The following ARHGAP26 variants were observed in gnomAD, a reference collection of about 807,000 sequenced individuals.
ARHGAP26 encodes the protein Rho GTPase activating protein 26.
Under a neutral mutation model 104.8 loss-of-function variants are expected in ARHGAP26, and 38 were observed. The observed-to-expected ratio is 0.36, with a 90% CI of 0.28 to 0.48. The LOEUF is 0.48. Ranked by LOEUF, ARHGAP26 falls within the 20% of genes least tolerant of loss-of-function variation. ARHGAP26 has a pLI of 0.99. For missense variants in ARHGAP26, 704 were observed against 947.9 expected, an observed-to-expected ratio of 0.74 and a Z score of 3.38; for synonymous variants, 341 against 340.0, an observed-to-expected ratio of 1.00 and a Z score of -0.03.
chr5:143,152,351 T>C (rs1025775994), intron 20 of ARHGAP26, among the ~76,000 whole-genome samples: 2 of 152,208 alleles, frequency 1.3e-5, no homozygotes, highest in South Asian at 2.1e-4. Context: ...TGTAAAACTT[T>C]CATGCAATTT....
intron 21 of ARHGAP26, among the ~76,000 whole-genome samples, chr5:143,209,620 A>G (rs1809117107): frequency 6.6e-6 from 1 of 152,076 alleles, no homozygotes; most frequent in African/African-American, 2.4e-5. Flanking sequence ...ATCTCTACTA[A>G]AAATACAAAA....
intron 7 of ARHGAP26, among the ~76,000 whole-genome samples, chr5:142,902,633 A>G (rs1282766851): frequency 2.0e-5 from 3 of 152,142 alleles, no homozygotes; most frequent in Non-Finnish European, 4.4e-5. Context: ...TCACTGTGGG[A>G]TTGGACCATG....
chr5:142,933,744 A>G (rs1458763306), intron 11 of ARHGAP26, among the ~76,000 whole-genome samples: 1 of 152,208 alleles, frequency 6.6e-6, no homozygotes, highest in South Asian at 2.1e-4. Flanking sequence ...TAGGCTGTAC[A>G]TAGGCAGTCA....
At chr5:143,112,424 C>T (rs1031280756) in intron 17 of ARHGAP26, among the ~76,000 whole-genome samples, 1 of 151,692 alleles carries the variant, frequency 6.6e-6, no homozygotes, top group South Asian at 2.1e-4. Flanking sequence ...CCTGTAGGTC[C>T]TTTGCCAAGG....
rs148664792 is a variant in ARHGAP26 at position 142,895,121 on chromosome 5, G to A, written c.597+773G>A. Reference sequence around the variant, plus strand: ...ATATGGACCTCAATTTAAAACTCTCGCAGACCATGGATTTTCCAGCCAAAA... The same window carrying A: ...ATATGGACCTCAATTTAAAACTCTCACAGACCATGGATTTTCCAGCCAAAA... On this transcript the variant is annotated intron_variant, in intron 6 of 22. Coordinates refer to ENST00000645722, the MANE Select transcript of ARHGAP26 (RefSeq NM_001135608.3). Among the ~76,000 whole-genome samples, 105 of 152,270 alleles carry A rather than the reference G, an allele frequency of 6.9e-4. 3 individuals carry two copies. The East Asian group carries it at 0.018, about 26-fold the overall frequency.
intron 11 of ARHGAP26, among the ~76,000 whole-genome samples, chr5:143,000,485 T>C (rs1459304907): frequency 2.0e-5 from 3 of 152,252 alleles, no homozygotes. Flanking sequence ...TGGATGAATA[T>C]TAAAAATTTT....
At chr5:143,044,572 G>C (rs1783952729) in intron 14 of ARHGAP26, among the ~76,000 whole-genome samples, 1 of 150,582 alleles carries the variant, frequency 6.6e-6, no homozygotes, top group Non-Finnish European at 1.5e-5. Flanking sequence ...GTTGGGGGAT[G>C]TGGGGGATGG....
In ARHGAP26 at chr5:142,979,525, T is replaced by C. The variant is rs77847297; in HGVS notation, c.1108-34555T>C. On this transcript the variant is annotated intron_variant, in intron 11 of 22. Coordinates refer to ENST00000645722, the MANE Select transcript of ARHGAP26 (RefSeq NM_001135608.3). The stretch of plus-strand genomic sequence containing the variant: ...GATCTGGCAAACATAGACGTATCTC[T>C]TGAGGGCTAGGAGTGCCACTGATGG... Among the ~76,000 whole-genome samples, 570 of 152,332 alleles carry C rather than the reference T, an allele frequency of 3.7e-3. 3 individuals carry two copies. Among genetic ancestry groups the C allele is most frequent in the Non-Finnish European group, 6.4e-3 (437 of 68,032 alleles).
chr5:143,222,261 ACACACACACACACACACACACACCC>A (rs1230446933), intron 22 of ARHGAP26, 72 bp from the exon 23 acceptor site: 2 of 580,610 alleles, frequency 3.4e-6, no homozygotes, highest in Non-Finnish European at 5.6e-6. Context: ...ACACACACAC[ACACACACACACACACACACACACCC>A]CACACACACA....
intron 11 of ARHGAP26, among the ~76,000 whole-genome samples, chr5:142,940,455 G>C (rs1038437863): frequency 1.3e-5 from 2 of 152,120 alleles, no homozygotes; most frequent in South Asian, 4.2e-4. Flanking sequence ...TACTTTTCCT[G>C]ATCCTCTCCC....
intron 22 of ARHGAP26, among the ~76,000 whole-genome samples, chr5:143,220,765 C>G (rs1293531446): frequency 6.6e-6 from 1 of 152,128 alleles, no homozygotes. Context: ...GATGTTTAAC[C>G]TTGTCTTTTC....
chr5:142,788,140 A>G (rs1478740982), intron 1 of ARHGAP26, among the ~76,000 whole-genome samples: 1 of 151,920 alleles, frequency 6.6e-6, no homozygotes, highest in Non-Finnish European at 1.5e-5. Context: ...AGCTAGGATT[A>G]CAGGCACGTG....
At chr5:142,955,918 C>T (rs532477815) in intron 11 of ARHGAP26, among the ~76,000 whole-genome samples, 1 of 152,244 alleles carries the variant, frequency 6.6e-6, no homozygotes, top group South Asian at 2.1e-4. Flanking sequence ...CCTCAGAATG[C>T]CAGAATCTTG....
At position 142,939,162 on chromosome 5, in the gene ARHGAP26, G is replaced by A. The variant is rs116812868; in HGVS notation, c.1107+7037G>A. Among the ~76,000 whole-genome samples, 997 of 152,274 alleles carry A rather than the reference G, an allele frequency of 6.5e-3. 14 individuals carry two copies. The highest frequency in any genetic ancestry group is 0.023 in the African/African-American group (971 of 41,540). Reference sequence around the variant, plus strand: ...GAAGAGGGAACACTGCCTAAAAAAGGCTGGTAATTGGTTGATCTCGGATAG... The same window carrying A: ...GAAGAGGGAACACTGCCTAAAAAAGACTGGTAATTGGTTGATCTCGGATAG... On this transcript the variant is annotated intron_variant, in intron 11 of 22. Transcript: ENST00000645722.
chr5:142,872,196 C>G (rs1755416806), intron 1 of ARHGAP26, among the ~76,000 whole-genome samples: 2 of 150,126 alleles, frequency 1.3e-5, no homozygotes, highest in African/African-American at 4.9e-5. Flanking sequence ...ACAGAGGAAA[C>G]AAACCAAAAC....
chr5:143,130,773 T>A (rs1797242643), intron 18 of ARHGAP26, among the ~76,000 whole-genome samples: 1 of 152,122 alleles, frequency 6.6e-6, no homozygotes. Context: ...AGTGTCAGAG[T>A]TAAATAAACA....
At chr5:143,198,377 G>T (rs551518189) in intron 20 of ARHGAP26, among the ~76,000 whole-genome samples, 3 of 152,172 alleles carry the variant, frequency 2.0e-5, no homozygotes, top group Non-Finnish European at 4.4e-5. Flanking sequence ...TTAGTTGAGA[G>T]AAATTTTTAT....
Position 143,166,030 on chromosome 5 carries a change from C to G in ARHGAP26, c.1988+18649C>G. Reference sequence around the variant, plus strand: ...GTCATCGTTGCTCTTTTAACAGGCACTGGGGATTTGGAATGTGTTTGGAGG... The same window carrying G: ...GTCATCGTTGCTCTTTTAACAGGCAGTGGGGATTTGGAATGTGTTTGGAGG... On this transcript the variant is annotated intron_variant, in intron 20 of 22. Coordinates refer to ENST00000645722, the MANE Select transcript of ARHGAP26 (RefSeq NM_001135608.3). The G allele has an allele frequency of 3.8e-6, 5 of 1,321,380 alleles. 1 individual carries two copies. In the South Asian group the frequency reaches 6.3e-5, roughly 17 times the overall value. 81.9% of individuals were successfully genotyped at this position (1,321,380 alleles called of 1,614,324 possible).
chr5:143,099,552 G>C (rs1421317123), intron 17 of ARHGAP26, among the ~76,000 whole-genome samples: 1 of 152,172 alleles, frequency 6.6e-6, no homozygotes, highest in Non-Finnish European at 1.5e-5. Flanking sequence ...TCTCAGCCTG[G>C]CATCTGTAAG....
Sources: gnomAD v4.1 joint callset for allele counts (sites outside exome capture counted in the v4.1 genomes callset) on GRCh38, gnomAD v4.1.1 for gene constraint, MANE v1.5 for transcripts, NCBI Gene and HGNC (gene_info 2026-07-23, HGNC 2026-07-21) for gene names.